Variants in CSF2RA observed in about 807,000 individuals in gnomAD.
CSF2RA encodes granulocyte-macrophage colony-stimulating factor receptor subunit alpha.
In CSF2RA, 42 loss-of-function variants were observed where a neutral mutation model predicts 51.6. The observed-to-expected ratio is 0.81, with a 90% CI of 0.64 to 1.05. CSF2RA has a LOEUF of 1.05. Among genes scored for constraint, CSF2RA ranks in the 50% least tolerant of loss-of-function variants. The pLI, the probability that CSF2RA is intolerant of heterozygous loss-of-function variation, is 0.00. For missense variants in CSF2RA, 530 were observed against 501.1 expected (o/e 1.06, Z -0.55); for synonymous variants, 222 against 193.0 (o/e 1.15, Z -1.24).
chrX:1,316,045 CAG>C, the CSF2RA span, among the ~76,000 whole-genome samples: 1 of 58,200 alleles, frequency 1.7e-5, no homozygotes, highest in Admixed American at 1.8e-4. Context: ...GACCAATAGA[CAG>C]ATAGATAGAT....
At chrX:1,286,835 A>G (rs2090732569) in intron 4 of CSF2RA, among the ~76,000 whole-genome samples, 2 of 152,036 alleles carry the variant, frequency 1.3e-5, no homozygotes, top group Admixed American at 1.3e-4. Context: ...CAGGACGGAG[A>G]AAAGTAAAGT....
chrX:1,314,856 G>T (rs1183970256), downstream of CSF2RA, among the ~76,000 whole-genome samples: 17 of 99,672 alleles, frequency 1.7e-4, no homozygotes, highest in East Asian at 2.6e-4. Context: ...CAATCCCACT[G>T]CACCTGCCCA....
chrX:1,285,662 A>T, intron 3 of CSF2RA, 116 bp from the exon 4 acceptor site: 1 of 1,246,222 alleles, frequency 8.0e-7, no homozygotes, highest in Non-Finnish European at 1.1e-6. Context: ...AGATCACAGC[A>T]CTGCACTCCA....
chrX:1,298,591 T>C (rs112649806), intron 9 of CSF2RA, among the ~76,000 whole-genome samples: 5 of 58,716 alleles, frequency 8.5e-5, no homozygotes, highest in Non-Finnish European at 1.6e-4. Flanking sequence ...TGACCTCTGG[T>C]GGAACCCTAC....
At chrX:1,285,071 A>T (rs1382234200) in intron 3 of CSF2RA, among the ~76,000 whole-genome samples, 3 of 151,530 alleles carry the variant, frequency 2.0e-5, no homozygotes, top group Non-Finnish European at 4.4e-5. Context: ...TTTAAAAAAA[A>T]ATTTTTTTTA....
chrX:1,319,726 T>G, the CSF2RA span, among the ~76,000 whole-genome samples: 3,628 of 146,516 alleles, frequency 0.025, 150 homozygotes, highest in African/African-American at 0.05. Flanking sequence ...TTTTTTTTTT[T>G]TTTTTTTAGA....
Position 1,288,852 on chromosome X carries a change from G to C in CSF2RA, c.437G>C (p.Arg146Pro), listed in dbSNP as rs759083963. Residue 146 changes from arginine to proline, a missense_variant, in exon 6 of 13, where the codon CGT becomes CCT. Arg to Pro is a moderately radical substitution (Grantham distance 103). Coordinates refer to ENST00000381529, the MANE Select transcript of CSF2RA (RefSeq NM_172245.4). ...TGGGCGAGGGGTCCGACGGCCCCCC[G>C]TGACGTCCAGTATTTTTTGTACATA... ...CTWARGPTAP[R>P]DVQYFLYIRN... The C allele has an allele frequency of 3.7e-6, 6 of 1,613,732 alleles. No homozygotes were observed. The South Asian group carries it at 6.6e-5, about 18-fold the overall frequency.
At chrX:1,271,949 CT>C (rs1387778402) in intron 1 of CSF2RA, among the ~76,000 whole-genome samples, 7 of 149,894 alleles carry the variant, frequency 4.7e-5, no homozygotes, top group Non-Finnish European at 7.4e-5. Context: ...AAGACATGCA[CT>C]TTTTTTTTCT....
At chrX:1,273,125 C>CT (rs200160495) in intron 1 of CSF2RA, among the ~76,000 whole-genome samples, 6 of 151,776 alleles carry the variant, frequency 4.0e-5, no homozygotes, top group Middle Eastern at 3.4e-3. Context: ...GGGCCTCTGA[C>CT]TTTTTTTATC....
the CSF2RA span, among the ~76,000 whole-genome samples, chrX:1,323,139 C>G: frequency 2.3e-4 from 14 of 60,394 alleles, no homozygotes; most frequent in African/African-American, 7.1e-4. Flanking sequence ...AAAAAAAATA[C>G]AATACAATAC....
chrX:1,318,780 G>T, the CSF2RA span, among the ~76,000 whole-genome samples: 150 of 150,808 alleles, frequency 9.9e-4, 2 homozygotes, highest in African/African-American at 3.5e-3. Flanking sequence ...AGCCTGGCAT[G>T]GTGGCGGGCA....
At position 1,308,481 on chromosome X, in the gene CSF2RA, C is replaced by A. The variant is rs139589421; in HGVS notation, c.1126-921C>A. ...AGGGTGACTAAGGGTGAGAGACTTGCGTGACCCACATCCCAAGACCCCGTG... is the reference window on the plus strand; with the variant it reads ...AGGGTGACTAAGGGTGAGAGACTTGAGTGACCCACATCCCAAGACCCCGTG... On this transcript the variant is annotated intron_variant, in intron 12 of 12. Transcript: ENST00000381529. 1.6e-4 allele frequency among the ~76,000 whole-genome samples: 25 copies of A among 152,072 alleles called. 1 individual carries two copies. The East Asian group carries it at 4.8e-3, about 29-fold the overall frequency.
Position 1,285,778 on chromosome X carries a change from A to C in CSF2RA, c.77A>C (p.Asp26Ala). ...TGAACCCAGTGCCCGCTCCTTGCAG[A>C]TCTGCGAACAGTGGCACCAGCCTCT... Reference protein sequence around the residue: ...PAFLLIPEKSDLRTVAPASSL... With the variant: ...PAFLLIPEKSALRTVAPASSL... Residue 26 changes from aspartate to alanine, a missense_variant and splice_region_variant, in exon 4 of 13, where the codon GAT (aspartate) becomes GCT (alanine). Coordinates refer to ENST00000381529, the MANE Select transcript of CSF2RA (RefSeq NM_172245.4). 6 of 1,612,424 alleles carry C rather than the reference A, an allele frequency of 3.7e-6. No individual in the cohort carries two copies. Among genetic ancestry groups the C allele is most frequent in the Non-Finnish European group, 5.1e-6 (6 of 1,179,512 alleles).
chrX:1,301,193 T>TG, intron 10 of CSF2RA, among the ~76,000 whole-genome samples: 1 of 145,856 alleles, frequency 6.9e-6, no homozygotes, highest in East Asian at 2.0e-4. Context: ...TAACCAGGAT[T>TG]GGTGGCACAT....
At chrX:1,321,704 C>T in the CSF2RA span, among the ~76,000 whole-genome samples, 1 of 152,106 alleles carries the variant, frequency 6.6e-6, no homozygotes, top group African/African-American at 2.4e-5. Context: ...AAAAAGAAGA[C>T]CATTGTGTAT....
chrX:1,315,953 TGATA>T, the CSF2RA span, among the ~76,000 whole-genome samples: 71,726 of 150,660 alleles, frequency 0.48, 17,280 homozygotes, highest in East Asian at 0.71. Context: ...AAATGATAGA[TGATA>T]GATAAATAGA....
rs763834433 is a variant in CSF2RA, at chrX:1,309,559, C to A, written c.*80C>A. The A allele has an allele frequency of 2.9e-5, 46 of 1,613,974 alleles. No individual in the cohort carries two copies. In the South Asian group the frequency reaches 4.5e-4, roughly 16 times the overall value. ...ACTGTTTTCTTGATGATGCTGTGAA[C>A]CTTTATATCATTTTCTATGTTTTTA... On this transcript the variant is annotated 3_prime_UTR_variant, in exon 13 of 13. Coordinates refer to ENST00000381529, the MANE Select transcript of CSF2RA (RefSeq NM_172245.4).
chrX:1,311,278 G>A (rs2084171033), downstream of CSF2RA, among the ~76,000 whole-genome samples: 1 of 149,502 alleles, frequency 6.7e-6, no homozygotes, highest in South Asian at 2.1e-4. Context: ...AAGAAAAAGA[G>A]GCTGGTACCT....
Position 1,300,332 on chromosome X carries a change from G to T in CSF2RA, c.811-159G>T, listed in dbSNP as rs772296514. Reference sequence around the variant, plus strand: ...AGGCTTGACTCTGCTTAGCTTCGAAGACCCGATCAGACCAAGTGCATTCAG... The same window carrying T: ...AGGCTTGACTCTGCTTAGCTTCGAATACCCGATCAGACCAAGTGCATTCAG... On this transcript the variant is annotated intron_variant, in intron 9 of 12. Coordinates refer to ENST00000381529, the MANE Select transcript of CSF2RA (RefSeq NM_172245.4). 1.5e-4 allele frequency: 133 copies of T among 861,616 alleles called. No individual in the cohort carries two copies. In the African/African-American group the frequency reaches 2.1e-3, roughly 14 times the overall value. The allele number at this position is 861,616 out of a possible 1,614,324, so 53.4% of individuals were successfully genotyped here.
Sources: allele counts gnomAD v4.1 joint callset (sites outside exome capture counted in the v4.1 genomes callset), GRCh38; gene constraint gnomAD v4.1.1; transcripts MANE v1.5; gene names NCBI Gene and HGNC (gene_info 2026-07-23, HGNC 2026-07-21).